Variants in DOCK2 observed in about 807,000 individuals in gnomAD.
DOCK2 encodes the protein dedicator of cytokinesis protein 2.
Under a neutral mutation model 248.9 loss-of-function variants are expected in DOCK2, and 87 were observed. The observed-to-expected ratio is 0.35, with a 90% CI of 0.29 to 0.42. The LOEUF (loss-of-function observed/expected upper bound fraction) is 0.42. Among genes scored for constraint, DOCK2 ranks in the 10% least tolerant of loss-of-function variants. DOCK2 has a pLI of 1.00. For synonymous variants in DOCK2, 805 were observed against 821.6 expected, an observed-to-expected ratio of 0.98 and a Z score of 0.35; for missense variants, 1,747 against 2,300.2, an observed-to-expected ratio of 0.76 and a Z score of 4.92.
chr5:169,943,587 C>T lies in DOCK2; in HGVS notation c.2800-39481C>T, dbSNP rs1776326772. On this transcript the variant is annotated intron_variant, in intron 27 of 51. Coordinates refer to ENST00000520908, the MANE Select transcript of DOCK2 (RefSeq NM_004946.3). ...CAAGATTACACATGCTATTTGGTTA[C>T]CCTCACCTCCTGGCTTGTCTATTAT... 2.0e-5 allele frequency among the ~76,000 whole-genome samples: 3 copies of T among 152,184 alleles called. No homozygotes were observed. In the South Asian group the frequency reaches 6.2e-4, roughly 32 times the overall value.
Position 169,864,278 on chromosome 5 carries a change from T to C in DOCK2, c.2799+23426T>C, listed in dbSNP as rs753874434. Reference sequence around the variant, plus strand: ...GGGGGATGGTCCCAACCAGCTCAGATCCACCAGAAGCATTTCTTTTTCACC... The same window carrying C: ...GGGGGATGGTCCCAACCAGCTCAGACCCACCAGAAGCATTTCTTTTTCACC... On this transcript the variant is annotated intron_variant, in intron 27 of 51. Transcript: ENST00000520908. 5.8e-6 allele frequency: 9 copies of C among 1,551,532 alleles called. 1 individual carries two copies. In the South Asian group the frequency reaches 1.1e-4, roughly 18 times the overall value.
At chr5:170,061,894 C>T (rs972478645) in intron 44 of DOCK2, among the ~76,000 whole-genome samples, 1 of 152,090 alleles carries the variant, frequency 6.6e-6, no homozygotes, top group Admixed American at 6.5e-5. Context: ...CCCCTCAGAG[C>T]CCCCCCAGAG....
chr5:169,962,830 G>T (rs891598583), intron 27 of DOCK2, among the ~76,000 whole-genome samples: 1 of 152,138 alleles, frequency 6.6e-6, no homozygotes, highest in African/African-American at 2.4e-5. Context: ...AGGAGAAAGG[G>T]TATCGAGGCC....
chr5:169,741,878 C>T (rs1353775729), intron 22 of DOCK2, among the ~76,000 whole-genome samples: 2 of 146,310 alleles, frequency 1.4e-5, no homozygotes, highest in Non-Finnish European at 3.0e-5. Flanking sequence ...GGTGCGATCT[C>T]AGCTTACCGC....
intron 22 of DOCK2, among the ~76,000 whole-genome samples, chr5:169,737,714 A>G (rs1451766896): frequency 6.6e-6 from 1 of 152,184 alleles, no homozygotes; most frequent in Non-Finnish European, 1.5e-5. Flanking sequence ...GTTCTGAGAG[A>G]ACCCAGCAAT....
In DOCK2 at chr5:170,083,214, C is replaced by A; in HGVS notation, c.*356C>A. 5.0e-6 allele frequency: 1 copy of A among 200,040 alleles called. No homozygotes were observed. Among genetic ancestry groups the A allele is most frequent in the Non-Finnish European group, 1.0e-5 (1 of 99,786 alleles). 12.4% of individuals were successfully genotyped at this position (200,040 alleles called of 1,614,324 possible). On this transcript the variant is annotated 3_prime_UTR_variant, in exon 52 of 52. Coordinates refer to ENST00000520908, the MANE Select transcript of DOCK2 (RefSeq NM_004946.3). ...TTATCTCATTTATTAAGTCTCAGAA[C>A]TTAACAGAAAAGGAAGCCTTTTAAA... is the stretch of plus-strand genomic sequence containing the variant.
chr5:169,708,570 T>TC (rs1761407730), intron 15 of DOCK2, among the ~76,000 whole-genome samples: 1 of 148,650 alleles, frequency 6.7e-6, no homozygotes, highest in South Asian at 2.1e-4. Context: ...GCATTCTTCT[T>TC]TTTTTTTTTT....
At chr5:169,734,808 G>A (rs1200405554) in intron 22 of DOCK2, among the ~76,000 whole-genome samples, 1 of 152,094 alleles carries the variant, frequency 6.6e-6, no homozygotes, top group Non-Finnish European at 1.5e-5. Context: ...TTTATATGAG[G>A]GTCTCCAATA....
intron 27 of DOCK2, among the ~76,000 whole-genome samples, chr5:169,879,957 T>C (rs1217183507): frequency 6.6e-6 from 1 of 152,214 alleles, no homozygotes; most frequent in Non-Finnish European, 1.5e-5. Flanking sequence ...TAAATGGAGG[T>C]TAGTTCAAAT....
chr5:169,844,771 T>C (rs1333743914), intron 27 of DOCK2, among the ~76,000 whole-genome samples: 1 of 151,534 alleles, frequency 6.6e-6, no homozygotes, highest in African/African-American at 2.4e-5. Context: ...TCTATGAACT[T>C]GTCACAGCTC....
At chr5:169,999,868 C>T (rs1314192861) in intron 30 of DOCK2, among the ~76,000 whole-genome samples, 1 of 152,188 alleles carries the variant, frequency 6.6e-6, no homozygotes. Flanking sequence ...AGAGGAGCAG[C>T]AGGTGCAATG....
intron 26 of DOCK2, among the ~76,000 whole-genome samples, chr5:169,810,846 T>C (rs1324152311): frequency 6.6e-6 from 1 of 152,096 alleles, no homozygotes; most frequent in Admixed American, 6.5e-5. Flanking sequence ...AACAATTTCT[T>C]ACCCTTTATC....
At position 170,034,454 on chromosome 5, in the gene DOCK2, G is replaced by A. The variant is rs772162450; in HGVS notation, c.3523G>A (p.Val1175Met). 3.7e-6 allele frequency: 6 copies of A among 1,614,050 alleles called. No homozygotes were observed. The highest frequency in any genetic ancestry group is 1.3e-5 in the African/African-American group (1 of 74,918). The change falls in exon 35 of 52, where the codon GTG becomes ATG. Residue 1175 changes from valine to methionine, a missense_variant. Coordinates refer to ENST00000520908, the MANE Select transcript of DOCK2 (RefSeq NM_004946.3). ...CATTGCCAAGTCGGTGGAGAACTTCGTGAACCTGGTCAAAGGCCTCCTGGA... is the reference window on the plus strand; with the variant it reads ...CATTGCCAAGTCGGTGGAGAACTTCATGAACCTGGTCAAAGGCCTCCTGGA... ...PTIAKSVENFVNLVKGLLEKL... is the reference protein window; with the variant it reads ...PTIAKSVENFMNLVKGLLEKL...
chr5:169,925,353 G>A (rs1193928425), intron 27 of DOCK2, among the ~76,000 whole-genome samples: 2 of 152,094 alleles, frequency 1.3e-5, no homozygotes, highest in East Asian at 3.9e-4. Flanking sequence ...AGGCTGAGGT[G>A]GGCAGATCAC....
chr5:169,756,495 A>C lies in DOCK2; in HGVS notation c.2377-3210A>C, dbSNP rs527888850. Among the ~76,000 whole-genome samples the C allele has an allele frequency of 2.6e-5, 4 of 152,342 alleles. No individual in the cohort carries two copies. The East Asian group carries it at 7.7e-4, about 29-fold the overall frequency. ...AATGAGATGGGAAGAAACTCAGCAC[A>C]CACCATCATGAAGAGGCTGAGGCTC... On this transcript the variant is annotated intron_variant, in intron 23 of 51. Coordinates refer to ENST00000520908, the MANE Select transcript of DOCK2 (RefSeq NM_004946.3).
In DOCK2 at chr5:170,041,595, A is replaced by G. The variant is rs548421611; in HGVS notation, c.3757-418A>G. 3.9e-5 allele frequency among the ~76,000 whole-genome samples: 6 copies of G among 152,362 alleles called. No homozygotes were observed. In the South Asian group the frequency reaches 1.2e-3, roughly 32 times the overall value. On this transcript the variant is annotated intron_variant, in intron 37 of 51. Coordinates refer to ENST00000520908, the MANE Select transcript of DOCK2 (RefSeq NM_004946.3). ...TAAAGAGTAAGATAAGTGCAACTCAACAAAAACCAGGAGCCTTCACAAGTG... is the reference window on the plus strand; with the variant it reads ...TAAAGAGTAAGATAAGTGCAACTCAGCAAAAACCAGGAGCCTTCACAAGTG...
chr5:169,727,317 G>T (rs1033326607), intron 22 of DOCK2, among the ~76,000 whole-genome samples: 2 of 152,176 alleles, frequency 1.3e-5, no homozygotes, highest in African/African-American at 4.8e-5. Flanking sequence ...AGAAAATGAG[G>T]CTCAGAAAGG....
chr5:169,791,412 T>TTTAA (rs2113065730), intron 25 of DOCK2, among the ~76,000 whole-genome samples: 1 of 152,358 alleles, frequency 6.6e-6, no homozygotes, highest in South Asian at 2.1e-4. Flanking sequence ...CTCATTATTG[T>TTTAA]TTAATTCTGA....
intron 26 of DOCK2, among the ~76,000 whole-genome samples, chr5:169,813,721 A>C (rs1767895005): frequency 6.6e-6 from 1 of 152,176 alleles, no homozygotes; most frequent in Non-Finnish European, 1.5e-5. Flanking sequence ...GATATGTTTC[A>C]TTTCTCATGA....
Sources: allele counts gnomAD v4.1 joint callset (sites outside exome capture counted in the v4.1 genomes callset), GRCh38; gene constraint gnomAD v4.1.1; transcripts MANE v1.5; gene names NCBI Gene and HGNC (gene_info 2026-07-23, HGNC 2026-07-21).